PCDH9: variants seen among roughly 807,000 people sequenced by gnomAD.
PCDH9 encodes the protein protocadherin-9.
PCDH9 carries 24 observed loss-of-function variants against 70.6 expected under a neutral mutation model. The ratio of observed to expected loss-of-function variants is 0.34; its 90% CI spans 0.25 to 0.48. The LOEUF is 0.48. Ranked by LOEUF, PCDH9 falls within the 20% of genes least tolerant of loss-of-function variation. The pLI is 0.99. For missense variants in PCDH9, 1,281 were observed against 1,503.6 expected (o/e 0.85, Z 2.45); for synonymous variants, 562 against 558.5 (o/e 1.01, Z -0.09).
chr13:66,883,482 G>C (rs1051207490), intron 3 of PCDH9, among the ~76,000 whole-genome samples: 2 of 151,968 alleles, frequency 1.3e-5, no homozygotes, highest in African/African-American at 2.4e-5. Context: ...TATTTCATTT[G>C]CTGACTGAAG....
intron 3 of PCDH9, among the ~76,000 whole-genome samples, chr13:66,816,476 C>T (rs113245960): frequency 1.3e-5 from 2 of 152,262 alleles, no homozygotes; most frequent in East Asian, 1.9e-4. Context: ...TCACACTCAC[C>T]ATTCACAGTC....
intron 4 of PCDH9, among the ~76,000 whole-genome samples, chr13:66,547,342 A>C (rs1328964970): frequency 6.6e-6 from 1 of 152,186 alleles, no homozygotes; most frequent in Non-Finnish European, 1.5e-5. Flanking sequence ...CAGTATCCTT[A>C]ATATTCTGCA....
chr13:66,534,134 A>T (rs1245489142), intron 4 of PCDH9, among the ~76,000 whole-genome samples: 2 of 152,168 alleles, frequency 1.3e-5, no homozygotes, highest in African/African-American at 4.8e-5. Flanking sequence ...ACCATGTCAC[A>T]CTGATATAAC....
chr13:66,726,923 C>T (rs1022451849), intron 3 of PCDH9, among the ~76,000 whole-genome samples: 4 of 152,042 alleles, frequency 2.6e-5, no homozygotes, highest in Admixed American at 1.3e-4. Flanking sequence ...ACTTGCTTGC[C>T]TTATTTCTGA....
intron 3 of PCDH9, among the ~76,000 whole-genome samples, chr13:66,744,492 G>C (rs1180089715): frequency 6.6e-6 from 1 of 152,100 alleles, no homozygotes; most frequent in African/African-American, 2.4e-5. Flanking sequence ...TAAATATCAT[G>C]TTTGTGTTAG....
At chr13:66,362,425 G>A (rs1956486563) in intron 4 of PCDH9, among the ~76,000 whole-genome samples, 1 of 152,040 alleles carries the variant, frequency 6.6e-6, no homozygotes, top group Non-Finnish European at 1.5e-5. Flanking sequence ...CATTTTTATG[G>A]GAAGATCCCA....
intron 3 of PCDH9, among the ~76,000 whole-genome samples, chr13:66,810,113 C>G (rs1349081770): frequency 6.6e-6 from 1 of 152,082 alleles, no homozygotes. Flanking sequence ...TATCATAAAA[C>G]CATGTGGACA....
At chr13:66,481,301 T>TAAAAA (rs35064904) in intron 4 of PCDH9, among the ~76,000 whole-genome samples, 1 of 138,748 alleles carries the variant, frequency 7.2e-6, no homozygotes, top group Non-Finnish European at 1.6e-5. Context: ...CTTAAAGTAT[T>TAAAAA]AAAAAAAAAA....
intron 2 of PCDH9, among the ~76,000 whole-genome samples, chr13:67,011,979 C>CAGTTAAATCATGAAACTAA (rs1292785766): frequency 2.0e-5 from 3 of 151,852 alleles, no homozygotes; most frequent in Non-Finnish European, 1.5e-5. Context: ...TTTCAATTAT[C>CAGTTAAATCATGAAACTAA]AGTTAAATCA....
At chr13:66,937,573 G>T (rs556382730) in intron 2 of PCDH9, among the ~76,000 whole-genome samples, 2 of 152,170 alleles carry the variant, frequency 1.3e-5, no homozygotes, top group Admixed American at 1.3e-4. Flanking sequence ...GTAGTACTCC[G>T]TACTTCCATA....
At chr13:66,813,646 T>G (rs1273904555) in intron 3 of PCDH9, among the ~76,000 whole-genome samples, 1 of 152,202 alleles carries the variant, frequency 6.6e-6, no homozygotes, top group Non-Finnish European at 1.5e-5. Context: ...GATAATGTAT[T>G]TATTTCATGG....
chr13:66,622,471 A>T (rs878955300), intron 4 of PCDH9, among the ~76,000 whole-genome samples: 1 of 151,998 alleles, frequency 6.6e-6, no homozygotes, highest in African/African-American at 2.4e-5. Flanking sequence ...AAATACACCA[A>T]TCGGCACTCT....
intron 2 of PCDH9, among the ~76,000 whole-genome samples, chr13:67,012,451 C>A (rs1408603154): frequency 6.6e-6 from 1 of 151,798 alleles, no homozygotes. Flanking sequence ...CTTTGTCTAA[C>A]TTTTCATTGA....
At chr13:66,866,799 T>C (rs1188540380) in intron 3 of PCDH9, among the ~76,000 whole-genome samples, 1 of 152,134 alleles carries the variant, frequency 6.6e-6, no homozygotes, top group Admixed American at 6.5e-5. Context: ...TCTGTCTCAA[T>C]AAAATAAAAT....
At chr13:66,404,213 G>T (rs1957239960) in intron 4 of PCDH9, among the ~76,000 whole-genome samples, 1 of 152,118 alleles carries the variant, frequency 6.6e-6, no homozygotes, top group Non-Finnish European at 1.5e-5. Context: ...GCTTAATTCT[G>T]ATAAATAAGG....
Position 67,227,697 on chromosome 13 carries a change from G to A in PCDH9, c.744C>T (p.Asn248=), listed in dbSNP as rs201896739. 2 of 1,614,082 alleles carry A rather than the reference G, an allele frequency of 1.2e-6. No homozygotes were observed. Among genetic ancestry groups the A allele is most frequent in the East Asian group, 2.2e-5 (1 of 44,888 alleles). ...LQVTVSDVND[N]RPVFKEGQVE... is the part of the protein sequence containing the mutation. ...CTTGACCCTCTTTAAACACTGGCCT[G>A]TTGTCATTTACATCACTTACTGTGA... is the stretch of plus-strand genomic sequence containing the variant. Residue 248 remains asparagine (N), a synonymous_variant, in exon 2 of 5, where the codon AAC becomes AAT. Coordinates refer to ENST00000377865, the MANE Select transcript of PCDH9 (RefSeq NM_203487.3). The surrounding 1 kb of genome is among the most constrained non-coding windows in gnomAD (Gnocchi z 4.6).
rs551755136 is a variant in PCDH9, at chr13:66,902,258, C to A, written c.3138+1246G>T. Among the ~76,000 whole-genome samples, 233 of 151,526 alleles carry A rather than the reference C, an allele frequency of 1.5e-3. 1 individual carries two copies. The highest frequency in any genetic ancestry group is 4.8e-3 in the South Asian group (23 of 4,814). Reference sequence around the variant, plus strand: ...AAAATCATTTCTAAGTATTTAGACCCACACAAAGAAAAAGAAATAGAATAA... The same window carrying A: ...AAAATCATTTCTAAGTATTTAGACCAACACAAAGAAAAAGAAATAGAATAA... On this transcript the variant is annotated intron_variant, in intron 3 of 4. Coordinates refer to ENST00000377865, the MANE Select transcript of PCDH9 (RefSeq NM_203487.3).
chr13:66,408,726 T>C (rs1566303340), intron 4 of PCDH9, among the ~76,000 whole-genome samples: 1 of 152,018 alleles, frequency 6.6e-6, no homozygotes, highest in Non-Finnish European at 1.5e-5. Flanking sequence ...TTTCTTCTTC[T>C]GCCTTTTTTT....
At chr13:66,805,580 T>C (rs1281579322) in intron 3 of PCDH9, among the ~76,000 whole-genome samples, 2 of 152,176 alleles carry the variant, frequency 1.3e-5, no homozygotes, top group Non-Finnish European at 2.9e-5. Context: ...TCACTGACGT[T>C]AAATAACAGA....
Sources: gnomAD v4.1 joint callset for allele counts (sites outside exome capture counted in the v4.1 genomes callset) on GRCh38, gnomAD v4.1.1 for gene constraint, Gnocchi (gnomAD v3.1) non-coding constraint, MANE v1.5 for transcripts, NCBI Gene and HGNC (gene_info 2026-07-23, HGNC 2026-07-21) for gene names.